The following DNAH8 variants were observed in gnomAD, a reference collection of about 807,000 sequenced individuals.
DNAH8 encodes the protein dynein axonemal heavy chain 8.
Under a neutral mutation model 562.1 loss-of-function variants are expected in DNAH8, and 382 were observed. The observed-to-expected ratio is 0.68, with a 90% CI of 0.63 to 0.74. The LOEUF is 0.74. DNAH8 is among the 30% of genes least tolerant of loss of function. DNAH8 has a pLI of 0.00. For synonymous variants in DNAH8, 1,881 were observed against 1,919.4 expected, an observed-to-expected ratio of 0.98 and a Z score of 0.52; for missense variants, 5,203 against 5,620.4, an observed-to-expected ratio of 0.93 and a Z score of 2.37.
chr6:38,765,105 G>A (rs1399799764), intron 11 of DNAH8, among the ~76,000 whole-genome samples: 1 of 152,162 alleles, frequency 6.6e-6, no homozygotes, highest in African/African-American at 2.4e-5. Flanking sequence ...CAAAGTGTTG[G>A]GATCACAGGC....
intron 79 of DNAH8, among the ~76,000 whole-genome samples, chr6:38,942,435 C>T (rs1158319265): frequency 3.9e-5 from 6 of 152,020 alleles, no homozygotes; most frequent in African/African-American, 1.4e-4. Context: ...TGCAAAGATC[C>T]TCATCTCTTC....
At chr6:38,896,277 A>G in intron 60 of DNAH8, 52 bp downstream of exon 60, 1 of 1,436,116 alleles carries the variant, frequency 7.0e-7, no homozygotes, top group Non-Finnish European at 9.7e-7. Flanking sequence ...ACCTGACTAG[A>G]TCTTTCTCTC....
At chr6:38,803,965 C>T (rs1229079032) in intron 22 of DNAH8, among the ~76,000 whole-genome samples, 1 of 152,170 alleles carries the variant, frequency 6.6e-6, no homozygotes, top group East Asian at 1.9e-4. Context: ...AGGCTCCTAA[C>T]TTTTGATTCT....
chr6:38,832,511 G>A, intron 31 of DNAH8, 76 bp downstream of exon 31: 2 of 900,752 alleles, frequency 2.2e-6, no homozygotes, highest in Non-Finnish European at 3.6e-6. Flanking sequence ...GATGAACCCT[G>A]AGGAATAGGT....
chr6:38,840,083 C>T (rs139547769), intron 33 of DNAH8, among the ~76,000 whole-genome samples: 2 of 152,326 alleles, frequency 1.3e-5, no homozygotes, highest in African/African-American at 4.8e-5. Flanking sequence ...CTGAATGAGA[C>T]TAACTCCTCA....
At chr6:38,805,692 A>T (rs1249675023) in intron 23 of DNAH8, 96 bp downstream of exon 23, 19 of 641,638 alleles carry the variant, frequency 3.0e-5, no homozygotes, top group African/African-American at 7.4e-5. Context: ...CAGTTCTGCA[A>T]CCAATCTAAT....
At chr6:38,891,914 T>C (rs998883673) in intron 58 of DNAH8, among the ~76,000 whole-genome samples, 1 of 152,230 alleles carries the variant, frequency 6.6e-6, no homozygotes, top group African/African-American at 2.4e-5. Flanking sequence ...CCACTGTTCA[T>C]GTCAAGGCCA....
chr6:38,775,638 A>G, intron 12 of DNAH8, 116 bp from the exon 13 acceptor site: 2 of 656,378 alleles, frequency 3.0e-6, no homozygotes, highest in Non-Finnish European at 5.2e-6. Context: ...TAGCGAAATT[A>G]TTCTAGGCCC....
intron 8 of DNAH8, chr6:38,744,222 T>C (rs898463381): frequency 1.3e-5 from 2 of 152,132 alleles, no homozygotes; most frequent in Non-Finnish European, 2.9e-5. Flanking sequence ...ATCAATATAG[T>C]AGTGATGTCC....
intron 62 of DNAH8, among the ~76,000 whole-genome samples, chr6:38,900,664 C>CTGGA (rs1173158528): frequency 6.6e-6 from 1 of 151,778 alleles, no homozygotes; most frequent in African/African-American, 2.4e-5. Flanking sequence ...GTCGCCCAGG[C>CTGGA]TGGAGTGCAA....
chr6:38,918,065 T>A lies in DNAH8; in HGVS notation c.10449T>A (p.Asn3483Lys), dbSNP rs199540094. 1 of 1,613,782 alleles carries A rather than the reference T, an allele frequency of 6.2e-7. No homozygotes were observed. Among genetic ancestry groups the A allele is most frequent in the African/African-American group, 1.3e-5 (1 of 74,920 alleles). Residue 3483 changes from asparagine (N) to lysine (K), a missense_variant, in exon 70 of 93, where the codon AAT (asparagine) becomes AAA (lysine). Around this residue, in one of 6 missense-constraint regions of DNAH8, gnomAD observed 1,399 missense variants for 1,518.4 expected, o/e 0.92. Transcript: ENST00000327475. ...AAAGTGCCAAAAAAGTCTGTGGGAATGTGGCTGGTCTCCTGTCTTGGACAC... is the reference window on the plus strand; with the variant it reads ...AAAGTGCCAAAAAAGTCTGTGGGAAAGTGGCTGGTCTCCTGTCTTGGACAC... ...TFESAKKVCG[N>K]VAGLLSWTLA...
intron 18 of DNAH8, among the ~76,000 whole-genome samples, chr6:38,787,608 A>T (rs1769291105): frequency 6.7e-6 from 1 of 150,270 alleles, no homozygotes; most frequent in African/African-American, 2.5e-5. Flanking sequence ...AGGCAGGAGA[A>T]TTGCCTAAAC....
At chr6:38,993,019 C>G (rs143965076) in intron 88 of DNAH8, among the ~76,000 whole-genome samples, 6 of 152,080 alleles carry the variant, frequency 3.9e-5, no homozygotes, top group East Asian at 3.9e-4. Context: ...ATATATTTCT[C>G]TGTGTGTGTG....
At chr6:38,750,014 A>G (rs1438751122) in intron 8 of DNAH8, among the ~76,000 whole-genome samples, 2 of 152,080 alleles carry the variant, frequency 1.3e-5, no homozygotes, top group Non-Finnish European at 2.9e-5. Flanking sequence ...TTGTACTTTT[A>G]GTAGAGACGG....
intron 30 of DNAH8, among the ~76,000 whole-genome samples, chr6:38,830,551 C>T (rs940248515): frequency 1.0e-4 from 15 of 146,842 alleles, no homozygotes; most frequent in African/African-American, 3.3e-4. Flanking sequence ...AGGAGAAAGA[C>T]GTGAACCCAG....
chr6:38,834,834 T>G (rs1419203927), intron 32 of DNAH8, among the ~76,000 whole-genome samples, 193 bp downstream of exon 32: 2 of 152,230 alleles, frequency 1.3e-5, no homozygotes, highest in African/African-American at 4.8e-5. Flanking sequence ...AGAATAGCTC[T>G]CTGTATTTTT....
chr6:38,915,696 A>G (rs573317346), intron 68 of DNAH8, among the ~76,000 whole-genome samples: 1 of 152,264 alleles, frequency 6.6e-6, no homozygotes, highest in Admixed American at 6.5e-5. Flanking sequence ...CTTCCAGATT[A>G]TGTCATGCTC....
intron 8 of DNAH8, among the ~76,000 whole-genome samples, chr6:38,747,392 T>TCC (rs1765040856): frequency 2.8e-5 from 4 of 144,782 alleles, no homozygotes; most frequent in Non-Finnish European, 6.0e-5. Context: ...TTCTTTTTTT[T>TCC]TTTTTTTTTT....
chr6:38,886,562 C>T (rs988267467), intron 56 of DNAH8, among the ~76,000 whole-genome samples: 4 of 152,138 alleles, frequency 2.6e-5, no homozygotes, highest in African/African-American at 7.2e-5. Context: ...TTAGTTTGAT[C>T]AATGTGGTGA....
Sources: gnomAD v4.1 joint callset for allele counts (sites outside exome capture counted in the v4.1 genomes callset) on GRCh38, gnomAD v4.1.1 for gene constraint, gnomAD v4.1.1 regional missense constraint, MANE v1.5 for transcripts, NCBI Gene and HGNC (gene_info 2026-07-23, HGNC 2026-07-21) for gene names.